Variants in CCPG1 observed in about 807,000 individuals in gnomAD.
CCPG1 encodes the protein cell cycle progression protein 1.
In CCPG1, 46 loss-of-function variants were observed where a neutral mutation model predicts 81.3. The ratio of observed to expected loss-of-function variants is 0.57; its 90% CI spans 0.45 to 0.72. The LOEUF (loss-of-function observed/expected upper bound fraction) is 0.72. Ranked by LOEUF, CCPG1 falls within the 30% of genes least tolerant of loss-of-function variation. The probability of loss-of-function intolerance (pLI) is 0.00; values close to 1 mark genes in which losing one functional copy is unlikely to be tolerated. For synonymous variants in CCPG1, 330 were observed against 305.2 expected, an observed-to-expected ratio of 1.08 and a Z score of -0.85; for missense variants, 902 against 937.6, an observed-to-expected ratio of 0.96 and a Z score of 0.50.
chr15:55,380,338 C>T (rs578068314), intron 3 of CCPG1, among the ~76,000 whole-genome samples: 1 of 151,218 alleles, frequency 6.6e-6, no homozygotes, highest in South Asian at 2.1e-4. Context: ...CTCTGTCGCC[C>T]AGGCTGGAGT....
chr15:55,380,186 A>C (rs375418231), intron 3 of CCPG1, among the ~76,000 whole-genome samples: 2 of 151,980 alleles, frequency 1.3e-5, no homozygotes, highest in Non-Finnish European at 2.9e-5. Flanking sequence ...AAGTACACCA[A>C]ATATCAACAG....
At chr15:55,398,706 C>T (rs942208206) in intron 1 of CCPG1, among the ~76,000 whole-genome samples, 5 of 152,042 alleles carry the variant, frequency 3.3e-5, no homozygotes, top group Non-Finnish European at 7.4e-5. Flanking sequence ...CTCAGCCTCC[C>T]AAGTAACTGG....
intron 6 of CCPG1, 121 bp from the exon 7 acceptor site, chr15:55,365,430 T>G (rs200853518): frequency 4.4e-3 from 2,264 of 515,876 alleles, no homozygotes; most frequent in Non-Finnish European, 5.8e-3. Context: ...TTTTTTTTTT[T>G]TGTTTTTTTT....
At position 55,360,477 on chromosome 15, in the gene CCPG1, A is replaced by C. The variant is rs182176640; in HGVS notation, c.1296T>G (p.Thr432=). The change falls in exon 8 of 9, where the codon ACT becomes ACG. Residue 432 remains threonine (T), a synonymous_variant. Coordinates refer to ENST00000442196, the MANE Select transcript of CCPG1 (RefSeq NM_001204450.2). ...CGAAGGTTAGCTTCCGTTCCAGCTC[A>C]GTGAGTCTTTCCCGTAAGATTGCTA... ...KEIAILRERL[T]ELERKLTFEQ... 1 of 1,614,112 alleles carries C rather than the reference A, an allele frequency of 6.2e-7. No individual in the cohort carries two copies. Among genetic ancestry groups the C allele is most frequent in the Admixed American group, 1.7e-5 (1 of 60,020 alleles).
intron 5 of CCPG1, among the ~76,000 whole-genome samples, chr15:55,373,344 T>C (rs2056494090): frequency 6.6e-6 from 1 of 152,216 alleles, no homozygotes; most frequent in Admixed American, 6.5e-5. Context: ...CAAACATTCA[T>C]GCTCCAGAAA....
At chr15:55,402,944 C>T (rs1476853918) in intron 1 of CCPG1, among the ~76,000 whole-genome samples, 1 of 152,184 alleles carries the variant, frequency 6.6e-6, no homozygotes, top group Non-Finnish European at 1.5e-5. Context: ...TGCAAAGTCA[C>T]AGTCAGGAGA....
rs2056071426 is a variant in CCPG1 at position 55,356,033 on chromosome 15, A to G, written c.*187T>C. The G allele has an allele frequency of 1.8e-6, 1 of 541,380 alleles. No individual in the cohort carries two copies. Among genetic ancestry groups the G allele is most frequent in the African/African-American group, 2.0e-5 (1 of 50,088 alleles). 33.5% of individuals were successfully genotyped at this position (541,380 alleles called of 1,614,324 possible). ...AAAAAAAATTCAACGAAGCTAAACTACAGGAAAATGCAGGTTAGTAGACTT... is the reference window on the plus strand; with the variant it reads ...AAAAAAAATTCAACGAAGCTAAACTGCAGGAAAATGCAGGTTAGTAGACTT... On this transcript the variant is annotated 3_prime_UTR_variant, in exon 9 of 9. Coordinates refer to ENST00000442196, the MANE Select transcript of CCPG1 (RefSeq NM_001204450.2).
intron 8 of CCPG1, chr15:55,357,298 G>A (rs2056100176): frequency 1.0e-6 from 1 of 983,580 alleles, no homozygotes; most frequent in East Asian, 1.1e-4. Context: ...TCCTTCACAA[G>A]AAATATCAAT....
At chr15:55,365,697 G>A (rs2056312187) in intron 6 of CCPG1, among the ~76,000 whole-genome samples, 1 of 151,836 alleles carries the variant, frequency 6.6e-6, no homozygotes, top group African/African-American at 2.4e-5. Context: ...ACATGTGTGA[G>A]CCACTGTGCC....
At chr15:55,407,404 G>A (rs181943374) in intron 1 of CCPG1, among the ~76,000 whole-genome samples, 7 of 152,250 alleles carry the variant, frequency 4.6e-5, no homozygotes, top group Admixed American at 4.6e-4. Context: ...TGCAGTAATA[G>A]CGATATTTCA....
chr15:55,385,578 T>A (rs765082875), intron 3 of CCPG1, 22 bp downstream of exon 3: 32 of 1,282,204 alleles, frequency 2.5e-5, no homozygotes, highest in Non-Finnish European at 3.2e-5. Flanking sequence ...AAAAAAAAAA[T>A]TAGAATTTGT....
intron 5 of CCPG1, among the ~76,000 whole-genome samples, chr15:55,373,922 T>C (rs950626207): frequency 3.9e-5 from 6 of 152,220 alleles, no homozygotes; most frequent in Non-Finnish European, 7.3e-5. Flanking sequence ...CCCATACATA[T>C]AATAGCTGAA....
At chr15:55,375,010 G>T (rs1182278813) in intron 5 of CCPG1, among the ~76,000 whole-genome samples, 3 of 152,166 alleles carry the variant, frequency 2.0e-5, no homozygotes, top group Non-Finnish European at 4.4e-5. Context: ...AGTGTTTTCA[G>T]TATAGTCCAA....
Position 55,389,068 on chromosome 15 carries a change from CAA to C in CCPG1, c.60+295_60+296del, listed in dbSNP as rs373917631. ...TGGGCAACAGAGTGAGACTCTGTCT[CAA>C]AAAAAAAAAAAAAAAAAAAGACAAA... On this transcript the variant is annotated intron_variant, in intron 2 of 8. Transcript: ENST00000442196. Among the ~76,000 whole-genome samples, 15 of 56,296 alleles carry C rather than the reference CAA, an allele frequency of 2.7e-4. 1 individual carries two copies. Among genetic ancestry groups the C allele is most frequent in the Non-Finnish European group, 3.9e-4 (12 of 30,672 alleles). The allele number at this position is 56,296 out of a possible 152,430, so 36.9% of individuals were successfully genotyped here. A position where few individuals can be genotyped will look rare whatever the true frequency, so the allele number is the denominator to read the frequency against.
At chr15:55,376,870 A>G in intron 5 of CCPG1, 79 bp downstream of exon 5, 1 of 1,034,196 alleles carries the variant, frequency 9.7e-7, no homozygotes. Context: ...TAGAGACTAA[A>G]TTATTAGGGG....
chr15:55,366,072 AG>A (rs1264289307), intron 6 of CCPG1, among the ~76,000 whole-genome samples: 1 of 152,232 alleles, frequency 6.6e-6, no homozygotes, highest in Non-Finnish European at 1.5e-5. Flanking sequence ...ACATACACCC[AG>A]GAACATTTAA....
At chr15:55,400,288 ATCACGAGG>A (rs1170933563) in intron 1 of CCPG1, among the ~76,000 whole-genome samples, 1 of 148,276 alleles carries the variant, frequency 6.7e-6, no homozygotes, top group African/African-American at 2.5e-5. Flanking sequence ...AAGTGGGCGG[ATCACGAGG>A]TCATGAGTTC....
chr15:55,378,271 T>A lies in CCPG1; in HGVS notation c.252+29A>T, dbSNP rs774519715. Reference sequence around the variant, plus strand: ...AGTATTCTAAGGATACTATTTAACATATATCCACAGTGTAAAATACAAGTT... The same window carrying A: ...AGTATTCTAAGGATACTATTTAACAAATATCCACAGTGTAAAATACAAGTT... On this transcript the variant is annotated intron_variant, in intron 4 of 8. Coordinates refer to ENST00000442196, the MANE Select transcript of CCPG1 (RefSeq NM_001204450.2). The A allele has an allele frequency of 2.3e-6, 3 of 1,323,214 alleles. No homozygotes were observed. In the Admixed American group the frequency reaches 5.2e-5, roughly 23 times the overall value. The allele number at this position is 1,323,214 out of a possible 1,614,324, so 82.0% of individuals were successfully genotyped here. A position where few individuals can be genotyped will look rare whatever the true frequency, so the allele number is the denominator to read the frequency against.
At chr15:55,376,550 G>A (rs1300128260) in intron 5 of CCPG1, among the ~76,000 whole-genome samples, 2 of 152,144 alleles carry the variant, frequency 1.3e-5, no homozygotes, top group Non-Finnish European at 2.9e-5. Flanking sequence ...GAATATATCT[G>A]AAGAGACTTT....
Sources: gnomAD v4.1 joint callset for allele counts (sites outside exome capture counted in the v4.1 genomes callset) on GRCh38, gnomAD v4.1.1 for gene constraint, MANE v1.5 for transcripts, NCBI Gene and HGNC (gene_info 2026-07-23, HGNC 2026-07-21) for gene names.